The following FGF14 variants were observed in gnomAD, a reference collection of about 807,000 sequenced individuals.
FGF14 encodes fibroblast growth factor 14.
Under a neutral mutation model 25.5 loss-of-function variants are expected in FGF14, and 5 were observed. That is an observed-to-expected ratio of 0.20 (90% CI 0.10 to 0.41). The LOEUF is 0.41. FGF14 is among the 10% of genes least tolerant of loss of function. The pLI is 1.00. For synonymous variants in FGF14, 138 were observed against 118.3 expected, an observed-to-expected ratio of 1.17 and a Z score of -1.08; for missense variants, 222 against 320.1, an observed-to-expected ratio of 0.69 and a Z score of 2.34.
intron 1 of FGF14, among the ~76,000 whole-genome samples, chr13:102,131,902 G>A (rs74993003): frequency 3.9e-5 from 6 of 152,130 alleles, no homozygotes; most frequent in African/African-American, 1.2e-4. Flanking sequence ...AAATAGGAAA[G>A]TCAATATTAC....
At chr13:101,787,553 A>G (rs2039912571) in intron 3 of FGF14, among the ~76,000 whole-genome samples, 1 of 152,128 alleles carries the variant, frequency 6.6e-6, no homozygotes, top group Non-Finnish European at 1.5e-5. Flanking sequence ...AGTTTCCTCA[A>G]CGCATAACCC....
At chr13:101,938,837 T>G (rs943690721) in intron 1 of FGF14, among the ~76,000 whole-genome samples, 2 of 152,222 alleles carry the variant, frequency 1.3e-5, no homozygotes, top group African/African-American at 2.4e-5. Flanking sequence ...TAGATGATAA[T>G]TCAGAATTAT....
chr13:101,754,385 A>G (rs2037506023), intron 3 of FGF14, among the ~76,000 whole-genome samples: 1 of 152,178 alleles, frequency 6.6e-6, no homozygotes, highest in African/African-American at 2.4e-5. Flanking sequence ...TATCTTTGTC[A>G]GTGTTTCTAA....
chr13:101,746,783 T>C (rs2036919934), intron 3 of FGF14, among the ~76,000 whole-genome samples: 1 of 151,964 alleles, frequency 6.6e-6, no homozygotes, highest in Non-Finnish European at 1.5e-5. Context: ...TGAAAAATGG[T>C]GTCCCTTCTA....
At chr13:102,227,436 C>G (rs1391783698) in intron 1 of FGF14, among the ~76,000 whole-genome samples, 1 of 152,052 alleles carries the variant, frequency 6.6e-6, no homozygotes, top group Non-Finnish European at 1.5e-5. Context: ...CTGGGTCTTC[C>G]TCTCCTACTA....
At chr13:101,736,432 ATGT>A (rs1221433991) in intron 3 of FGF14, among the ~76,000 whole-genome samples, 1 of 152,098 alleles carries the variant, frequency 6.6e-6, no homozygotes, top group Admixed American at 6.6e-5. Flanking sequence ...ATTTAACAGA[ATGT>A]TTTTTATATT....
chr13:102,186,660 C>T (rs983785074), intron 1 of FGF14, among the ~76,000 whole-genome samples: 6 of 152,066 alleles, frequency 3.9e-5, no homozygotes, highest in Non-Finnish European at 7.4e-5. Context: ...TCTATTCCAA[C>T]TTTTGTAAAA....
intron 3 of FGF14, among the ~76,000 whole-genome samples, chr13:101,854,243 T>A (rs3007767): frequency 0.66 from 100,179 of 152,020 alleles, 33,655 homozygotes; most frequent in African/African-American, 0.78. Context: ...TTATGCATAA[T>A]TATAAATGCT....
At chr13:101,994,560 C>T (rs890440488) in intron 1 of FGF14, among the ~76,000 whole-genome samples, 1 of 151,786 alleles carries the variant, frequency 6.6e-6, no homozygotes, top group Non-Finnish European at 1.5e-5. Context: ...GTTTTGTCAT[C>T]GAGACTACCA....
chr13:102,348,015 A>T (rs2057163599), intron 1 of FGF14, among the ~76,000 whole-genome samples: 1 of 152,160 alleles, frequency 6.6e-6, no homozygotes, highest in African/African-American at 2.4e-5. Flanking sequence ...TAAAAAAAAA[A>T]AAAAAGCAAT....
At chr13:102,249,439 G>C (rs960447350) in intron 1 of FGF14, among the ~76,000 whole-genome samples, 2 of 152,184 alleles carry the variant, frequency 1.3e-5, no homozygotes, top group South Asian at 4.1e-4. Context: ...CAGTTTTGCA[G>C]AACAATGGGA....
chr13:101,927,775 T>C (rs2034468228), intron 1 of FGF14, among the ~76,000 whole-genome samples: 1 of 152,076 alleles, frequency 6.6e-6, no homozygotes, highest in Non-Finnish European at 1.5e-5. Flanking sequence ...TCCTACACAC[T>C]CCTGGCTTTC....
At chr13:101,952,319 G>A (rs912278186) in intron 1 of FGF14, among the ~76,000 whole-genome samples, 1 of 151,752 alleles carries the variant, frequency 6.6e-6, no homozygotes, top group African/African-American at 2.4e-5. Context: ...TTTGTTATAC[G>A]GCATGAAGTT....
At chr13:101,801,600 A>T (rs1174749918) in intron 3 of FGF14, among the ~76,000 whole-genome samples, 1 of 152,198 alleles carries the variant, frequency 6.6e-6, no homozygotes, top group African/African-American at 2.4e-5. Context: ...GTTCTGACTG[A>T]TCTATTTAGA....
intron 1 of FGF14, among the ~76,000 whole-genome samples, chr13:102,270,362 T>C (rs1204924598): frequency 6.6e-6 from 1 of 152,154 alleles, no homozygotes; most frequent in Non-Finnish European, 1.5e-5. Context: ...ACAATTTTAA[T>C]AAATCATATT....
At chr13:102,290,197 C>T (rs981764533) in intron 1 of FGF14, among the ~76,000 whole-genome samples, 1 of 152,026 alleles carries the variant, frequency 6.6e-6, no homozygotes, top group Non-Finnish European at 1.5e-5. Flanking sequence ...GTGCTTAGGT[C>T]ATAAGACTGA....
At chr13:101,748,747 TAAAAAAAAAAAA>T (rs55785965) in intron 3 of FGF14, among the ~76,000 whole-genome samples, 1 of 70,694 alleles carries the variant, frequency 1.4e-5, no homozygotes, top group Non-Finnish European at 2.6e-5. Flanking sequence ...TGGAGGTTTC[TAAAAAAAAAAAA>T]AAAAAAAAAA....
intron 1 of FGF14, among the ~76,000 whole-genome samples, chr13:102,140,116 G>A (rs1361770430): frequency 6.9e-6 from 1 of 144,776 alleles, no homozygotes; most frequent in Non-Finnish European, 1.5e-5. Context: ...AGAGTAGTAA[G>A]ATTTGGAGAA....
At chr13:102,060,272 T>C (rs1164331304) in intron 1 of FGF14, among the ~76,000 whole-genome samples, 2 of 152,176 alleles carry the variant, frequency 1.3e-5, no homozygotes, top group African/African-American at 4.8e-5. Context: ...ACGCCTGTAA[T>C]CCCAGCACTT....
Sources: gnomAD v4.1 joint callset for allele counts (sites outside exome capture counted in the v4.1 genomes callset) on GRCh38, gnomAD v4.1.1 for gene constraint, MANE v1.5 for transcripts, NCBI Gene and HGNC (gene_info 2026-07-23, HGNC 2026-07-21) for gene names.